Variants in XRN2 observed in about 807,000 individuals in gnomAD.
XRN2 encodes the protein 5'-3' exoribonuclease 2, also known as DHM1-like protein.
Under a neutral mutation model 138.5 loss-of-function variants are expected in XRN2, and 44 were observed. The observed-to-expected ratio is 0.32, with a 90% CI of 0.25 to 0.41. The LOEUF (loss-of-function observed/expected upper bound fraction) is 0.41. Ranked by LOEUF, XRN2 falls within the 10% of genes least tolerant of loss-of-function variation. The pLI is 1.00. For synonymous variants in XRN2, 354 were observed against 369.4 expected, an observed-to-expected ratio of 0.96 and a Z score of 0.48; for missense variants, 937 against 1,169.3, an observed-to-expected ratio of 0.80 and a Z score of 2.90.
chr20:21,327,206 G>A (rs1042243890), intron 3 of XRN2, among the ~76,000 whole-genome samples: 2 of 152,192 alleles, frequency 1.3e-5, no homozygotes, highest in Non-Finnish European at 2.9e-5. Flanking sequence ...AAGCCTTACC[G>A]TCTGGAGTTT....
At chr20:21,385,639 C>G (rs183281199) in intron 28 of XRN2, among the ~76,000 whole-genome samples, 1 of 152,186 alleles carries the variant, frequency 6.6e-6, no homozygotes, top group African/African-American at 2.4e-5. Flanking sequence ...AATCATCACA[C>G]AAAAATAATT....
chr20:21,324,791 A>G (rs1197151113), intron 1 of XRN2, among the ~76,000 whole-genome samples: 1 of 151,966 alleles, frequency 6.6e-6, no homozygotes, highest in Non-Finnish European at 1.5e-5. Flanking sequence ...ATACCACCAT[A>G]CCTGATTTTA....
intron 1 of XRN2, 151 bp downstream of exon 1, chr20:21,303,624 G>A: frequency 7.3e-7 from 1 of 1,364,204 alleles, no homozygotes; most frequent in Non-Finnish European, 9.4e-7. Context: ...CCCCACACGC[G>A]ATGGGACGCG....
intron 14 of XRN2, among the ~76,000 whole-genome samples, chr20:21,339,373 G>C (rs2038342106): frequency 6.6e-6 from 1 of 152,152 alleles, no homozygotes; most frequent in African/African-American, 2.4e-5. Context: ...AGTAAAAATG[G>C]TCAATATTTT....
At position 21,344,134 on chromosome 20, in the gene XRN2, C is replaced by G. The variant is rs1354179306; in HGVS notation, c.1455C>G (p.Ser485=). 1 of 1,613,026 alleles carries G rather than the reference C, an allele frequency of 6.2e-7. No individual in the cohort carries two copies. The highest frequency in any genetic ancestry group is 8.5e-7 in the Non-Finnish European group (1 of 1,179,344). ...SPNTSFTSDG[S]PSPLGGIKRK... ...ATACGAGTTTCACATCTGATGGCTC[C>G]CCGTCTCCATTAGGAGGAATTAAGC... The change falls in exon 16 of 30, where the codon TCC becomes TCG. Residue 485 remains serine, a synonymous_variant. Transcript: ENST00000377191.
intron 24 of XRN2, among the ~76,000 whole-genome samples, chr20:21,360,212 G>A (rs2038621718): frequency 6.6e-6 from 1 of 152,104 alleles, no homozygotes; most frequent in African/African-American, 2.4e-5. Context: ...TTCAAGGCCT[G>A]ATGCACCTTG....
intron 15 of XRN2, 114 bp downstream of exon 15, chr20:21,340,966 C>T: frequency 8.2e-7 from 1 of 1,220,132 alleles, no homozygotes; most frequent in Non-Finnish European, 1.2e-6. Context: ...TATAGTTTTT[C>T]TTAATTGCTT....
intron 17 of XRN2, 136 bp downstream of exon 17, chr20:21,346,686 C>A: frequency 1.9e-6 from 2 of 1,043,472 alleles, no homozygotes; most frequent in East Asian, 2.6e-5. Flanking sequence ...ATGGCGTGAT[C>A]TCAACTCACT....
At chr20:21,375,861 C>T (rs184544640) in intron 27 of XRN2, among the ~76,000 whole-genome samples, 22 of 148,998 alleles carry the variant, frequency 1.5e-4, no homozygotes, top group Admixed American at 1.0e-3. Context: ...TTATTTGAGA[C>T]GGAGTCTCTC....
At chr20:21,331,426 C>T (rs2038206770) in intron 6 of XRN2, 135 bp from the exon 7 acceptor site, 1 of 706,794 alleles carries the variant, frequency 1.4e-6, no homozygotes, top group African/African-American at 1.8e-5. Context: ...CACACACACA[C>T]ACACACACAC....
chr20:21,356,941 T>C (rs1023883270), intron 23 of XRN2, among the ~76,000 whole-genome samples: 3 of 152,182 alleles, frequency 2.0e-5, no homozygotes, highest in African/African-American at 7.2e-5. Context: ...TGTTACTTGC[T>C]TTTCTTACAC....
chr20:21,365,903 T>C, intron 26 of XRN2, among the ~76,000 whole-genome samples, 199 bp downstream of exon 26: 1 of 121,708 alleles, frequency 8.2e-6, no homozygotes, highest in African/African-American at 3.1e-5. Context: ...TAATTATATA[T>C]ATAATATATA....
At chr20:21,328,784 G>A in intron 4 of XRN2, 114 bp downstream of exon 4, 1 of 895,224 alleles carries the variant, frequency 1.1e-6, no homozygotes, top group East Asian at 2.7e-5. Context: ...AAGGATCCCA[G>A]AATATCCAGT....
chr20:21,337,748 C>A (rs1481632981), intron 13 of XRN2, among the ~76,000 whole-genome samples: 1 of 152,158 alleles, frequency 6.6e-6, no homozygotes, highest in Non-Finnish European at 1.5e-5. Context: ...AAACTTGCAA[C>A]CTCCAGCATA....
At chr20:21,387,083 C>A in intron 29 of XRN2, 77 bp downstream of exon 29, 2 of 1,521,836 alleles carry the variant, frequency 1.3e-6, no homozygotes, top group South Asian at 1.3e-5. Context: ...TATTTTCTTA[C>A]CAACATTTCT....
intron 24 of XRN2, among the ~76,000 whole-genome samples, chr20:21,361,476 G>T (rs1319558591): frequency 1.3e-5 from 2 of 152,174 alleles, no homozygotes; most frequent in East Asian, 3.9e-4. Flanking sequence ...AGAATTAGAT[G>T]AAGCAATACG....
chr20:21,341,718 T>TA (rs1480548081), intron 15 of XRN2, among the ~76,000 whole-genome samples: 1 of 152,232 alleles, frequency 6.6e-6, no homozygotes, highest in Non-Finnish European at 1.5e-5. Context: ...GTTATTCTGT[T>TA]AGTTATCCTA....
At position 21,303,955 on chromosome 20, in the gene XRN2, CG is replaced by C. The variant is rs956595693; in HGVS notation, c.75+484del. 8.0e-6 allele frequency: 6 copies of C among 750,746 alleles called. No homozygotes were observed. The Admixed American group carries it at 1.9e-4, about 23-fold the overall frequency. The allele number at this position is 750,746 out of a possible 1,614,324, so 46.5% of individuals were successfully genotyped here. Reference sequence around the variant, plus strand: ...CCTTTTCGTTGTTTACCAATTGTGCCGGAAAGGTTTTCTCCTAGTGTTCAGG... The same window carrying C: ...CCTTTTCGTTGTTTACCAATTGTGCCGAAAGGTTTTCTCCTAGTGTTCAGG... On this transcript the variant is annotated intron_variant, in intron 1 of 29. Coordinates refer to ENST00000377191, the MANE Select transcript of XRN2 (RefSeq NM_012255.5).
At chr20:21,325,405 A>G (rs1321284952) in intron 1 of XRN2, among the ~76,000 whole-genome samples, 2 of 152,226 alleles carry the variant, frequency 1.3e-5, no homozygotes, top group Non-Finnish European at 2.9e-5. Flanking sequence ...TAGATTGACT[A>G]ACTGTAAAAC....
Sources: gnomAD v4.1 joint callset for allele counts (sites outside exome capture counted in the v4.1 genomes callset) on GRCh38, gnomAD v4.1.1 for gene constraint, MANE v1.5 for transcripts, NCBI Gene and HGNC (gene_info 2026-07-23, HGNC 2026-07-21) for gene names.